SP3: variants seen among roughly 807,000 people sequenced by gnomAD.
SP3 encodes transcription factor Sp3.
SP3 carries 10 observed loss-of-function variants against 70.3 expected under a neutral mutation model. The observed-to-expected ratio is 0.14, with a 90% CI of 0.09 to 0.24. The LOEUF is 0.24. Ranked by LOEUF, SP3 falls within the 10% of genes least tolerant of loss-of-function variation. The pLI is 1.00. For missense variants in SP3, 825 were observed against 914.6 expected (o/e 0.90, Z 1.26); for synonymous variants, 402 against 333.5 (o/e 1.21, Z -2.24).
chr2:173,931,799 C>G (rs1434759230), intron 4 of SP3, among the ~76,000 whole-genome samples: 1 of 152,204 alleles, frequency 6.6e-6, no homozygotes, highest in Non-Finnish European at 1.5e-5. Flanking sequence ...TAACTTCCAA[C>G]TCTTTCTGCA....
intron 4 of SP3, among the ~76,000 whole-genome samples, chr2:173,927,904 T>C (rs932158969): frequency 6.6e-6 from 1 of 152,220 alleles, no homozygotes; most frequent in Non-Finnish European, 1.5e-5. Flanking sequence ...ATTTAATCTT[T>C]GTCTAATTAT....
intron 5 of SP3, among the ~76,000 whole-genome samples, chr2:173,918,059 T>G (rs980912585): frequency 6.6e-6 from 1 of 151,936 alleles, no homozygotes; most frequent in South Asian, 2.1e-4. Flanking sequence ...ACATCCATAT[T>G]TAACATAATT....
chr2:173,918,002 A>T lies in SP3; in HGVS notation c.1832+591T>A, dbSNP rs541489298. Among the ~76,000 whole-genome samples, 471 of 137,016 alleles carry T rather than the reference A, an allele frequency of 3.4e-3. 5 individuals are homozygous for T. The highest frequency in any genetic ancestry group is 8.8e-3 in the African/African-American group (321 of 36,460). The allele number at this position is 137,016 out of a possible 152,430, so 89.9% of individuals were successfully genotyped here. On this transcript the variant is annotated intron_variant, in intron 5 of 6. Coordinates refer to ENST00000310015, the MANE Select transcript of SP3 (RefSeq NM_003111.5). ...CAGTCTGGATCTTGTTTTTTTTTTTAAAAAAAATATGATCTGAGTCTCAAT... is the reference window on the plus strand; with the variant it reads ...CAGTCTGGATCTTGTTTTTTTTTTTTAAAAAAATATGATCTGAGTCTCAAT...
At position 173,907,104 on chromosome 2, in the gene SP3, T is replaced by G. The variant is rs1689349290; in HGVS notation, c.*2837A>C. ...TTTGGTTGAGTCACTTTTCAGTAAT[T>G]AAGCCTCAATCTATAGAAAATGAGA... On this transcript the variant is annotated 3_prime_UTR_variant, in exon 7 of 7. Transcript: ENST00000310015. 1 of 152,184 alleles carries G rather than the reference T, an allele frequency of 6.6e-6. No homozygotes were observed. Among genetic ancestry groups the G allele is most frequent in the African/African-American group, 2.4e-5 (1 of 41,464 alleles). The allele number at this position is 152,184 out of a possible 1,614,324, so 9.4% of individuals were successfully genotyped here. A position where few individuals can be genotyped will look rare whatever the true frequency, so the allele number is the denominator to read the frequency against.
chr2:173,957,666 G>A (rs904932659), intron 3 of SP3, among the ~76,000 whole-genome samples: 9 of 152,098 alleles, frequency 5.9e-5, no homozygotes, highest in African/African-American at 1.9e-4. Context: ...TTATCCTGTA[G>A]ATAGTGAGTG....
At chr2:173,923,970 T>C (rs1321087388) in intron 4 of SP3, among the ~76,000 whole-genome samples, 1 of 152,016 alleles carries the variant, frequency 6.6e-6, no homozygotes, top group East Asian at 1.9e-4. Flanking sequence ...TCTAAGGGGA[T>C]AGTTCTAAAT....
intron 4 of SP3, among the ~76,000 whole-genome samples, chr2:173,940,051 T>C (rs1028125453): frequency 6.6e-6 from 1 of 152,032 alleles, no homozygotes; most frequent in South Asian, 2.1e-4. Context: ...TTTTTTTTTG[T>C]TTTTTGGTAG....
chr2:173,937,641 A>G (rs963452520), intron 4 of SP3, among the ~76,000 whole-genome samples: 4 of 152,350 alleles, frequency 2.6e-5, no homozygotes, highest in South Asian at 2.1e-4. Flanking sequence ...AAGTTTTAAA[A>G]TATTTTTTAA....
intron 4 of SP3, among the ~76,000 whole-genome samples, chr2:173,926,268 G>A (rs1201319595): frequency 1.3e-5 from 2 of 151,924 alleles, no homozygotes; most frequent in Non-Finnish European, 2.9e-5. Flanking sequence ...GACCAATGAA[G>A]GAAACATACA....
chr2:173,944,480 ACCACTGCACT>A (rs1690475135), intron 4 of SP3, among the ~76,000 whole-genome samples: 1 of 152,184 alleles, frequency 6.6e-6, no homozygotes. Context: ...CCAAAACTGC[ACCACTGCACT>A]CCAGCCTGGG....
In SP3 at chr2:173,918,714, T is replaced by C. The variant is rs746986589; in HGVS notation, c.1711A>G (p.Asn571Asp). ...QLSGDSTLNT[N>D]DLTHLRVQVV... ...TGTACTCTTAAGTGTGTTAGGTCAT[T>C]GGTATTCAAGGTAGAATCACCACTG... is the stretch of plus-strand genomic sequence containing the variant. Residue 571 changes from asparagine (N) to aspartate (D), a missense_variant, in exon 5 of 7, where the codon AAT becomes GAT. Physicochemically the swap from Asn to Asp is conservative, Grantham distance 23. Coordinates refer to ENST00000310015, the MANE Select transcript of SP3 (RefSeq NM_003111.5). 7 of 1,613,776 alleles carry C rather than the reference T, an allele frequency of 4.3e-6. 1 individual carries two copies. The South Asian group carries it at 6.6e-5, about 15-fold the overall frequency.
chr2:173,927,806 T>C (rs991166352), intron 4 of SP3, among the ~76,000 whole-genome samples: 1 of 152,236 alleles, frequency 6.6e-6, no homozygotes, highest in Non-Finnish European at 1.5e-5. Context: ...CATCAGTTAT[T>C]TAAGATAGTT....
intron 3 of SP3, among the ~76,000 whole-genome samples, chr2:173,959,166 A>C (rs1690982357): frequency 6.6e-6 from 1 of 152,280 alleles, no homozygotes; most frequent in Admixed American, 6.5e-5. Context: ...AACCAATTTT[A>C]AGCCTATTTA....
At chr2:173,952,489 G>A (rs557077857) in intron 4 of SP3, among the ~76,000 whole-genome samples, 3 of 152,262 alleles carry the variant, frequency 2.0e-5, no homozygotes, top group Admixed American at 2.0e-4. Flanking sequence ...TGATGAGAAT[G>A]TAAAACGGTA....
In SP3 at chr2:173,961,945, T is replaced by TG. The variant is rs1462486525; in HGVS notation, c.279+1815_279+1816insC. 7.9e-5 allele frequency among the ~76,000 whole-genome samples: 12 copies of TG among 151,006 alleles called. No homozygotes were observed. The South Asian group carries it at 1.5e-3, about 18-fold the overall frequency. ...AAATATATGGTTTGGGTTTTTTTTT[T>TG]TTTTTTTTTTTTTTTAGGCAAAACT... On this transcript the variant is annotated intron_variant, in intron 3 of 6. Coordinates refer to ENST00000310015, the MANE Select transcript of SP3 (RefSeq NM_003111.5).
intron 1 of SP3, 181 bp from the exon 2 acceptor site, chr2:173,964,734 C>CGT: frequency 2.7e-6 from 1 of 374,930 alleles, no homozygotes; most frequent in Non-Finnish European, 4.8e-6. Flanking sequence ...CTGCTGCCCC[C>CGT]GCCCGCCGCT....
chr2:173,925,403 T>C lies in SP3; in HGVS notation c.1640-6618A>G, dbSNP rs373270231. Among the ~76,000 whole-genome samples, 48 of 152,254 alleles carry C rather than the reference T, an allele frequency of 3.2e-4. No homozygotes were observed. In the East Asian group the frequency reaches 5.0e-3, roughly 16 times the overall value. ...ATACAAACAGCAAGAAAAAAGGTAG[T>C]TGCCAAATGGGGGAGAGATGAAAAG... On this transcript the variant is annotated intron_variant, in intron 4 of 6. Transcript: ENST00000310015.
intron 3 of SP3, 102 bp from the exon 4 acceptor site, chr2:173,956,334 C>T: frequency 7.9e-7 from 1 of 1,259,078 alleles, no homozygotes; most frequent in Non-Finnish European, 1.1e-6. Context: ...GAAAATTCAA[C>T]TTATCTTAAA....
rs750048573 is a variant in SP3 at position 173,954,822 on chromosome 2, C to G, written c.1639+51G>C. The stretch of plus-strand genomic sequence containing the variant: ...AATACCTAAAGCAAAAAATTTCCCT[C>G]TATGTATTATCACTGAACTTATTTA... On this transcript the variant is annotated intron_variant, in intron 4 of 6. Coordinates refer to ENST00000310015, the MANE Select transcript of SP3 (RefSeq NM_003111.5). 12 of 1,550,992 alleles carry G rather than the reference C, an allele frequency of 7.7e-6. No individual in the cohort carries two copies. The African/African-American group carries it at 1.4e-4, about 18-fold the overall frequency.
Sources: allele counts gnomAD v4.1 joint callset (sites outside exome capture counted in the v4.1 genomes callset), GRCh38; gene constraint gnomAD v4.1.1; transcripts MANE v1.5; gene names NCBI Gene and HGNC (gene_info 2026-07-23, HGNC 2026-07-21).